Variants in INSC observed in about 807,000 individuals in gnomAD.
The protein encoded by INSC is INSC spindle orientation adaptor protein, also known as protein inscuteable homolog.
INSC carries 67 observed loss-of-function variants against 58.6 expected under a neutral mutation model. The observed-to-expected ratio is 1.14, with a 90% CI of 0.94 to 1.40. The LOEUF is 1.40. Ranked by LOEUF, INSC falls within the 40% of genes most tolerant of loss-of-function variation. The pLI is 0.00. For synonymous variants in INSC, 262 were observed against 276.1 expected, an observed-to-expected ratio of 0.95 and a Z score of 0.51; for missense variants, 714 against 692.0, an observed-to-expected ratio of 1.03 and a Z score of -0.36.
chr11:15,169,708 A>AG (rs113570266), intron 2 of INSC, among the ~76,000 whole-genome samples: 3 of 146,574 alleles, frequency 2.0e-5, no homozygotes, highest in African/African-American at 7.5e-5. Context: ...CACCCAGCTA[A>AG]TTTTTTTTTT....
In INSC at chr11:15,164,705, C is replaced by T. The variant is rs570508800; in HGVS notation, c.57-11036C>T. Among the ~76,000 whole-genome samples the T allele has an allele frequency of 5.3e-5, 8 of 152,240 alleles. 1 individual carries two copies. In the South Asian group the frequency reaches 1.0e-3, roughly 20 times the overall value. Reference sequence around the variant, plus strand: ...GCCACCTTATTGCTTCTTTCTTCTTCGTCTCATAAGATAATATGATATGGT... The same window carrying T: ...GCCACCTTATTGCTTCTTTCTTCTTTGTCTCATAAGATAATATGATATGGT... On this transcript the variant is annotated intron_variant, in intron 2 of 12. Coordinates refer to ENST00000379556, the MANE Select transcript of INSC (RefSeq NM_001042536.3).
intron 5 of INSC, among the ~76,000 whole-genome samples, chr11:15,181,793 C>G (rs1158409121): frequency 6.6e-6 from 1 of 152,102 alleles, no homozygotes; most frequent in African/African-American, 2.4e-5. Flanking sequence ...CTTTGTATTG[C>G]CATTTACTCT....
intron 7 of INSC, among the ~76,000 whole-genome samples, chr11:15,202,458 A>T (rs371796090): frequency 2.6e-5 from 4 of 152,158 alleles, no homozygotes; most frequent in African/African-American, 9.7e-5. Flanking sequence ...GTGCTCTCTT[A>T]TATGGCAAAA....
At chr11:15,198,223 T>A (rs1850442221) in intron 6 of INSC, among the ~76,000 whole-genome samples, 1 of 152,154 alleles carries the variant, frequency 6.6e-6, no homozygotes, top group Non-Finnish European at 1.5e-5. Context: ...ACTAACTCAA[T>A]TGCACCCCCA....
intron 5 of INSC, chr11:15,188,135 T>A: frequency 2.1e-6 from 2 of 967,922 alleles, no homozygotes; most frequent in Non-Finnish European, 2.5e-6. Context: ...TTAGGGGAAG[T>A]GTGGCCTTGG....
At chr11:15,229,104 C>T (rs901156129) in intron 9 of INSC, among the ~76,000 whole-genome samples, 2 of 152,058 alleles carry the variant, frequency 1.3e-5, no homozygotes, top group Non-Finnish European at 2.9e-5. Flanking sequence ...TCTGGCCTAT[C>T]CGTCAAGCAG....
chr11:15,148,598 T>C (rs967580360), intron 1 of INSC, among the ~76,000 whole-genome samples: 1 of 150,840 alleles, frequency 6.6e-6, no homozygotes, highest in Non-Finnish European at 1.5e-5. Context: ...TTACATCATC[T>C]GAAGTGGAAT....
chr11:15,264,626 T>G, the INSC span, among the ~76,000 whole-genome samples: 1 of 149,790 alleles, frequency 6.7e-6, no homozygotes, highest in Non-Finnish European at 1.5e-5. Context: ...TTTTGCTGTA[T>G]CTCTATTCTG....
At chr11:15,259,416 G>A in the INSC span, among the ~76,000 whole-genome samples, 4 of 152,136 alleles carry the variant, frequency 2.6e-5, no homozygotes, top group African/African-American at 9.7e-5. Flanking sequence ...TAATAATAGA[G>A]TTAAATATTT....
At chr11:15,121,407 G>T (rs1847869926) in intron 1 of INSC, among the ~76,000 whole-genome samples, 1 of 152,318 alleles carries the variant, frequency 6.6e-6, no homozygotes, top group East Asian at 1.9e-4. Flanking sequence ...TACATGATTA[G>T]ATTCAAGCAA....
intron 12 of INSC, among the ~76,000 whole-genome samples, chr11:15,242,765 C>A (rs1852404632): frequency 6.6e-6 from 1 of 152,190 alleles, no homozygotes; most frequent in Non-Finnish European, 1.5e-5. Flanking sequence ...GGTGCAAAGC[C>A]AGAGAGTACA....
At chr11:15,190,652 G>A (rs1425557795) in intron 5 of INSC, 49 bp from the exon 6 acceptor site, 1 of 1,257,278 alleles carries the variant, frequency 8.0e-7, no homozygotes, top group Non-Finnish European at 1.2e-6. Context: ...GATGAGCAGA[G>A]GGTAGAGGTG....
intron 2 of INSC, among the ~76,000 whole-genome samples, chr11:15,169,768 G>A (rs370811519): frequency 2.6e-5 from 4 of 151,902 alleles, no homozygotes; most frequent in South Asian, 4.2e-4. Context: ...GGCTGGTCTC[G>A]AATAGTTATA....
the INSC span, among the ~76,000 whole-genome samples, chr11:15,261,717 CAAGTT>C: frequency 2.0e-5 from 3 of 152,088 alleles, no homozygotes; most frequent in African/African-American, 4.8e-5. Flanking sequence ...GGTTCTAGCA[CAAGTT>C]AAGATACAGA....
At chr11:15,158,779 G>A (rs1186418822) in intron 2 of INSC, among the ~76,000 whole-genome samples, 2 of 151,516 alleles carry the variant, frequency 1.3e-5, no homozygotes, top group Non-Finnish European at 2.9e-5. Context: ...TATATAGAGA[G>A]GGCTTGGACA....
chr11:15,181,920 C>A (rs766193054), intron 5 of INSC, among the ~76,000 whole-genome samples: 2 of 152,016 alleles, frequency 1.3e-5, no homozygotes, highest in Admixed American at 6.6e-5. Context: ...AGGAATAATC[C>A]AAAGTCCCAA....
At position 15,141,411 on chromosome 11, in the gene INSC, G is replaced by A. The variant is rs143158096; in HGVS notation, c.-45-7719G>A. ...GGGCCCGCTCTACCTGATGCAAGTC[G>A]TTCTGGGCTATCCAGCCAGGGTCTC... is the stretch of plus-strand genomic sequence containing the variant. On this transcript the variant is annotated intron_variant, in intron 1 of 12. Coordinates refer to ENST00000379556, the MANE Select transcript of INSC (RefSeq NM_001042536.3). Among the ~76,000 whole-genome samples the A allele has an allele frequency of 1.1e-4, 17 of 152,298 alleles. No individual in the cohort carries two copies. The East Asian group carries it at 3.1e-3, about 28-fold the overall frequency.
intron 2 of INSC, among the ~76,000 whole-genome samples, chr11:15,156,650 C>T (rs117496659): frequency 8.2e-4 from 125 of 152,288 alleles, no homozygotes; most frequent in Admixed American, 1.8e-3. Context: ...AGGTCTTAGA[C>T]AAGTTATGTA....
chr11:15,190,836 C>T (rs767564516), intron 6 of INSC, 22 bp downstream of exon 6: 4 of 1,525,084 alleles, frequency 2.6e-6, no homozygotes, highest in Non-Finnish European at 3.6e-6. Context: ...GGTTAGGGAC[C>T]AAAATGGCAG....
Sources: allele counts gnomAD v4.1 joint callset (sites outside exome capture counted in the v4.1 genomes callset), GRCh38; gene constraint gnomAD v4.1.1; transcripts MANE v1.5; gene names NCBI Gene and HGNC (gene_info 2026-07-23, HGNC 2026-07-21).